RIMS1: variants seen among roughly 807,000 people sequenced by gnomAD.
The protein encoded by RIMS1 is regulating synaptic membrane exocytosis protein 1.
In RIMS1, 83 loss-of-function variants were observed where a neutral mutation model predicts 214.1. That is an observed-to-expected ratio of 0.39 (90% CI 0.32 to 0.47). The LOEUF (loss-of-function observed/expected upper bound fraction) is 0.47, where lower values mean the gene tolerates loss of function less well. RIMS1 is among the 20% of genes least tolerant of loss of function. The probability of loss-of-function intolerance (pLI) is 0.99; values close to 1 mark genes in which losing one functional copy is unlikely to be tolerated. For synonymous variants in RIMS1, 793 were observed against 786.8 expected (o/e 1.01, Z -0.13); for missense variants, 2,050 against 2,161.8 (o/e 0.95, Z 1.03).
At chr6:72,270,094 G>T (rs2082305630) in intron 22 of RIMS1, among the ~76,000 whole-genome samples, 1 of 151,852 alleles carries the variant, frequency 6.6e-6, no homozygotes, top group Admixed American at 6.6e-5. Flanking sequence ...ACTATATTGT[G>T]ATATTCTTCC....
intron 4 of RIMS1, among the ~76,000 whole-genome samples, chr6:72,107,846 A>G (rs545550592): frequency 3.9e-5 from 6 of 152,304 alleles, no homozygotes; most frequent in African/African-American, 1.4e-4. Context: ...GCTGCAGTAA[A>G]TCATTCTTAG....
chr6:72,035,492 A>C (rs1819380272), intron 2 of RIMS1, among the ~76,000 whole-genome samples: 1 of 152,142 alleles, frequency 6.6e-6, no homozygotes, highest in African/African-American at 2.4e-5. Flanking sequence ...ACAAAGACAA[A>C]TATCCAAGTT....
chr6:72,184,663 G>A (rs1417186565), intron 6 of RIMS1, among the ~76,000 whole-genome samples: 2 of 152,158 alleles, frequency 1.3e-5, no homozygotes, highest in African/African-American at 2.4e-5. Flanking sequence ...AGCAGCTTCT[G>A]TGGACCAGCA....
chr6:72,263,462 A>G, intron 19 of RIMS1: 2 of 979,078 alleles, frequency 2.0e-6, no homozygotes, highest in South Asian at 4.7e-5. Flanking sequence ...GTCACAGCCA[A>G]TAAGTGGCAA....
intron 29 of RIMS1, among the ~76,000 whole-genome samples, chr6:72,345,899 G>A (rs940205967): frequency 8.6e-5 from 13 of 151,890 alleles, no homozygotes; most frequent in Admixed American, 1.3e-4. Context: ...AATTCTGGCA[G>A]TGTTGAGCTT....
intron 6 of RIMS1, chr6:72,216,761 T>C (rs947416159): frequency 1.0e-6 from 1 of 986,952 alleles, no homozygotes. Flanking sequence ...TTTTCTTCTG[T>C]GTTAGCTTTA....
At chr6:72,137,636 A>G (rs2153871529) in intron 4 of RIMS1, among the ~76,000 whole-genome samples, 1 of 151,628 alleles carries the variant, frequency 6.6e-6, no homozygotes, top group African/African-American at 2.4e-5. Flanking sequence ...TATATATTCC[A>G]ATCTGATATT....
Position 72,156,812 on chromosome 6 carries a change from G to A in RIMS1, c.472-22763G>A. ...AGAAAAAATGCAAATGGATTAATGT[G>A]AAAATGCTTACAAGTGCGAAAGCAT... On this transcript the variant is annotated intron_variant, in intron 4 of 33. Coordinates refer to ENST00000521978, the MANE Select transcript of RIMS1 (RefSeq NM_014989.7). 1.4e-5 allele frequency among the ~76,000 whole-genome samples: 2 copies of A among 140,578 alleles called. 1 individual carries two copies. Among genetic ancestry groups the A allele is most frequent in the Non-Finnish European group, 3.2e-5 (2 of 61,816 alleles). 92.2% of individuals were successfully genotyped at this position (140,578 alleles called of 152,430 possible).
At chr6:72,034,161 G>C (rs1818922060) in intron 2 of RIMS1, among the ~76,000 whole-genome samples, 1 of 152,058 alleles carries the variant, frequency 6.6e-6, no homozygotes, top group South Asian at 2.1e-4. Flanking sequence ...AAAATTACAA[G>C]TACCCAGTAA....
At chr6:72,320,841 CT>C (rs893301815) in intron 28 of RIMS1, among the ~76,000 whole-genome samples, 3 of 151,838 alleles carry the variant, frequency 2.0e-5, no homozygotes, top group African/African-American at 2.4e-5. Flanking sequence ...TTATACTATG[CT>C]TTTTTATACT....
intron 6 of RIMS1, among the ~76,000 whole-genome samples, chr6:72,184,463 G>T (rs1009545887): frequency 6.6e-6 from 1 of 152,166 alleles, no homozygotes; most frequent in South Asian, 2.1e-4. Context: ...TAAAAATGCA[G>T]CTTTTATGTG....
chr6:72,359,247 A>G (rs189565263), intron 29 of RIMS1, among the ~76,000 whole-genome samples: 61 of 152,350 alleles, frequency 4.0e-4, no homozygotes, highest in African/African-American at 1.4e-3. Context: ...AGAATTCTTT[A>G]TATAGCAAGC....
chr6:71,933,876 C>A (rs906505512), intron 1 of RIMS1, among the ~76,000 whole-genome samples: 2 of 152,126 alleles, frequency 1.3e-5, no homozygotes, highest in African/African-American at 4.8e-5. Context: ...CTTAATATAT[C>A]TTTTAATTAT....
chr6:72,265,543 T>G, intron 21 of RIMS1, 40 bp downstream of exon 21: 1 of 1,269,836 alleles, frequency 7.9e-7, no homozygotes, highest in Non-Finnish European at 1.1e-6. Flanking sequence ...TTTCCCTTGT[T>G]TATTGTTGTG....
chr6:72,073,786 A>T (rs1465722748), intron 2 of RIMS1, among the ~76,000 whole-genome samples: 1 of 152,158 alleles, frequency 6.6e-6, no homozygotes, highest in Non-Finnish European at 1.5e-5. Flanking sequence ...TCTCTGGTCC[A>T]TGGTTCCCTC....
chr6:71,957,788 A>G (rs1791724224), intron 1 of RIMS1, among the ~76,000 whole-genome samples: 1 of 150,646 alleles, frequency 6.6e-6, no homozygotes, highest in Non-Finnish European at 1.5e-5. Context: ...ATATATTTTA[A>G]ATGACATTTT....
rs115624187 is a variant in RIMS1, at chr6:72,224,108, A to G, written c.1679-9665A>G. On this transcript the variant is annotated intron_variant, in intron 6 of 33. Transcript: ENST00000521978. ...GAATCATCGTCACCATGATCCATAT[A>G]GTAAACAACCTGATATAGTAATGAT... Among the ~76,000 whole-genome samples, 1,226 of 152,284 alleles carry G rather than the reference A, an allele frequency of 8.1e-3. 18 individuals carry two copies. Among genetic ancestry groups the G allele is most frequent in the African/African-American group, 0.029 (1,191 of 41,544 alleles).
intron 26 of RIMS1, among the ~76,000 whole-genome samples, chr6:72,301,052 GT>G (rs1385655669): frequency 4.0e-5 from 6 of 151,688 alleles, no homozygotes; most frequent in Non-Finnish European, 5.9e-5. Context: ...TGCATTTTCT[GT>G]TTCTCATGCT....
intron 6 of RIMS1, among the ~76,000 whole-genome samples, chr6:72,196,372 TGTC>T (rs1478685084): frequency 2.5e-4 from 23 of 91,072 alleles, no homozygotes; most frequent in African/African-American, 8.8e-4. Flanking sequence ...TCTGTCTGTC[TGTC>T]TGTCTATCTA....
Sources: gnomAD v4.1 joint callset for allele counts (sites outside exome capture counted in the v4.1 genomes callset) on GRCh38, gnomAD v4.1.1 for gene constraint, MANE v1.5 for transcripts, NCBI Gene and HGNC (gene_info 2026-07-23, HGNC 2026-07-21) for gene names.